Variants in UBR1 observed in about 807,000 individuals in gnomAD.
UBR1 encodes the protein ubiquitin protein ligase E3 component n-recognin 1.
Under a neutral mutation model 242.1 loss-of-function variants are expected in UBR1, and 102 were observed. That is an observed-to-expected ratio of 0.42 (90% CI 0.36 to 0.50). The LOEUF is 0.50. Ranked by LOEUF, UBR1 falls within the 20% of genes least tolerant of loss-of-function variation. The pLI is 0.01. For missense variants in UBR1, 1,772 were observed against 2,101.8 expected (o/e 0.84, Z 3.07); for synonymous variants, 675 against 684.8 (o/e 0.99, Z 0.22).
chr15:42,957,578 A>C (rs925611454), intron 44 of UBR1, among the ~76,000 whole-genome samples: 1 of 152,200 alleles, frequency 6.6e-6, no homozygotes, highest in African/African-American at 2.4e-5. Flanking sequence ...CACCGCTAAA[A>C]AAGGAAATTT....
At chr15:43,022,156 T>G (rs1401945860) in intron 26 of UBR1, among the ~76,000 whole-genome samples, 3 of 152,168 alleles carry the variant, frequency 2.0e-5, no homozygotes, top group African/African-American at 7.2e-5. Context: ...AGAAAATGTT[T>G]GTCTCCTATT....
intron 20 of UBR1, among the ~76,000 whole-genome samples, chr15:43,030,476 T>G (rs1430648409): frequency 6.6e-6 from 1 of 152,216 alleles, no homozygotes; most frequent in East Asian, 1.9e-4. Context: ...TCTTTCAAGA[T>G]CTTTCTCAAT....
intron 44 of UBR1, among the ~76,000 whole-genome samples, chr15:42,953,215 T>C (rs1596073212): frequency 6.6e-6 from 1 of 152,248 alleles, no homozygotes; most frequent in Non-Finnish European, 1.5e-5. Flanking sequence ...AGGCGTGCTA[T>C]AATGCCCCAC....
intron 1 of UBR1, among the ~76,000 whole-genome samples, chr15:43,097,232 C>CT (rs149615048): frequency 0.012 from 1,817 of 149,866 alleles, 32 homozygotes; most frequent in African/African-American, 0.04. Context: ...TGAAAAGAAT[C>CT]TTTTTTTTTT....
At chr15:43,091,450 A>G (rs2034104704) in intron 1 of UBR1, among the ~76,000 whole-genome samples, 1 of 152,224 alleles carries the variant, frequency 6.6e-6, no homozygotes, top group Non-Finnish European at 1.5e-5. Flanking sequence ...CACAAGGGAT[A>G]CTCAACCAGT....
intron 25 of UBR1, among the ~76,000 whole-genome samples, chr15:43,024,112 G>C (rs1056502786): frequency 6.6e-6 from 1 of 152,156 alleles, no homozygotes; most frequent in African/African-American, 2.4e-5. Flanking sequence ...CTGGGACTCA[G>C]GGAGAGAAAT....
At chr15:43,003,399 G>C (rs1263313102) in intron 31 of UBR1, 3 of 233,550 alleles carry the variant, frequency 1.3e-5, no homozygotes, top group African/African-American at 7.0e-5. Flanking sequence ...GGGATTAAAA[G>C]CATGTGCCAC....
chr15:43,089,099 T>C (rs1230704022), intron 1 of UBR1, among the ~76,000 whole-genome samples: 2 of 151,790 alleles, frequency 1.3e-5, no homozygotes, highest in African/African-American at 4.8e-5. Flanking sequence ...GAGGCAGAAG[T>C]TGCAGTGAGC....
intron 40 of UBR1, among the ~76,000 whole-genome samples, chr15:42,968,034 G>T (rs2032140605): frequency 6.6e-6 from 1 of 151,688 alleles, no homozygotes; most frequent in Admixed American, 6.6e-5. Flanking sequence ...AAATACAAAT[G>T]CCAATGTATT....
intron 26 of UBR1, 26 bp from the exon 27 acceptor site, chr15:43,021,401 T>C: frequency 6.2e-7 from 1 of 1,603,376 alleles, no homozygotes. Context: ...AAATCACACA[T>C]CATAAATACA....
chr15:43,094,401 C>T (rs1301903267), intron 1 of UBR1, among the ~76,000 whole-genome samples: 1 of 151,948 alleles, frequency 6.6e-6, no homozygotes, highest in Admixed American at 6.6e-5. Flanking sequence ...CACACTCCAG[C>T]CTGGAAGACA....
intron 40 of UBR1, among the ~76,000 whole-genome samples, chr15:42,968,583 T>C (rs140575901): frequency 6.6e-6 from 1 of 152,110 alleles, no homozygotes; most frequent in African/African-American, 2.4e-5. Flanking sequence ...GTTTGTTATA[T>C]AGGTATACAT....
intron 3 of UBR1, among the ~76,000 whole-genome samples, chr15:43,080,367 CCAT>C (rs1194129115): frequency 1.3e-5 from 2 of 152,324 alleles, no homozygotes; most frequent in Non-Finnish European, 1.5e-5. Flanking sequence ...TTCCCTTCCA[CCAT>C]CATCCCCCAG....
chr15:43,022,405 T>G (rs2033121363), intron 26 of UBR1, among the ~76,000 whole-genome samples: 1 of 144,472 alleles, frequency 6.9e-6, no homozygotes, highest in Non-Finnish European at 1.5e-5. Context: ...AGATGAGGAA[T>G]GAAAGTTAAA....
intron 27 of UBR1, 21 bp from the exon 28 acceptor site, chr15:43,017,202 G>T: frequency 6.4e-7 from 1 of 1,563,264 alleles, no homozygotes. Context: ...CAGATGAAAC[G>T]TTAAAAGAGT....
intron 46 of UBR1, among the ~76,000 whole-genome samples, 187 bp from the exon 47 acceptor site, chr15:42,945,657 T>A (rs1444910573): frequency 6.6e-6 from 1 of 152,196 alleles, no homozygotes; most frequent in Non-Finnish European, 1.5e-5. Context: ...ACTTAGCTAA[T>A]AAAGCAGAAA....
intron 39 of UBR1, among the ~76,000 whole-genome samples, chr15:42,976,175 G>C (rs1476081445): frequency 6.6e-6 from 1 of 152,184 alleles, no homozygotes; most frequent in Non-Finnish European, 1.5e-5. Flanking sequence ...GATACTTGCA[G>C]TTTTAGAGGG....
intron 40 of UBR1, among the ~76,000 whole-genome samples, chr15:42,967,276 T>TGATCTTGAACTCCTGGGCTCAAGCA (rs1485774129): frequency 1.4e-5 from 2 of 146,766 alleles, no homozygotes; most frequent in African/African-American, 4.9e-5. Flanking sequence ...TTGCTCAGGC[T>TGATCTTGAACTCCTGGGCTCAAGCA]GATCTTGAAC....
Position 42,957,849 on chromosome 15 carries a change from A to T in UBR1, c.4835+164T>A, listed in dbSNP as rs548807893. ...ATCACTGCACTCCAGCCTGGGCAAC[A>T]GAGCAAGATCCTGTCTAAAAAACAA... On this transcript the variant is annotated intron_variant, in intron 44 of 46. Transcript: ENST00000290650. 2.3e-3 allele frequency among the ~76,000 whole-genome samples: 351 copies of T among 152,338 alleles called. 1 individual carries two copies. Among genetic ancestry groups the T allele is most frequent in the African/African-American group, 8.2e-3 (342 of 41,578 alleles).
Sources: gnomAD v4.1 joint callset for allele counts (sites outside exome capture counted in the v4.1 genomes callset) on GRCh38, gnomAD v4.1.1 for gene constraint, MANE v1.5 for transcripts, NCBI Gene and HGNC (gene_info 2026-07-23, HGNC 2026-07-21) for gene names.